Variants in ADAM9 observed in about 807,000 individuals in gnomAD.
ADAM9 encodes ADAM metallopeptidase domain 9.
ADAM9 carries 54 observed loss-of-function variants against 108.1 expected under a neutral mutation model. The observed-to-expected ratio is 0.50, with a 90% CI of 0.40 to 0.63. The LOEUF (loss-of-function observed/expected upper bound fraction) is 0.63. Ranked by LOEUF, ADAM9 falls within the 20% of genes least tolerant of loss-of-function variation. ADAM9 has a pLI of 0.00. For synonymous variants in ADAM9, 316 were observed against 336.0 expected, an observed-to-expected ratio of 0.94 and a Z score of 0.65; for missense variants, 830 against 997.7, an observed-to-expected ratio of 0.83 and a Z score of 2.26.
At chr8:39,071,541 G>C (rs567804741) in intron 15 of ADAM9, 138 bp downstream of exon 15, 1 of 723,770 alleles carries the variant, frequency 1.4e-6, no homozygotes, top group Non-Finnish European at 2.2e-6. Flanking sequence ...ATCTCGGCTC[G>C]CTGCACCCTC....
At chr8:39,011,552 A>G in intron 2 of ADAM9, 106 bp from the exon 3 acceptor site, 1 of 1,066,312 alleles carries the variant, frequency 9.4e-7, no homozygotes, top group South Asian at 1.3e-5. Context: ...GCCAATACCA[A>G]ATTATTTTAA....
At chr8:39,092,024 A>G (rs1839372187) in intron 20 of ADAM9, among the ~76,000 whole-genome samples, 1 of 152,152 alleles carries the variant, frequency 6.6e-6, no homozygotes, top group Non-Finnish European at 1.5e-5. Context: ...TAATTGTCTA[A>G]GCTGTAGGAC....
At chr8:38,998,961 G>GT (rs1835913959) in intron 1 of ADAM9, among the ~76,000 whole-genome samples, 1 of 152,166 alleles carries the variant, frequency 6.6e-6, no homozygotes, top group Admixed American at 6.5e-5. Context: ...GAGGTTTTAA[G>GT]TAGGGGTGCG....
intron 2 of ADAM9, among the ~76,000 whole-genome samples, chr8:39,010,093 G>T (rs1376830529): frequency 6.6e-6 from 1 of 151,728 alleles, no homozygotes; most frequent in Non-Finnish European, 1.5e-5. Flanking sequence ...GCATTTTTCA[G>T]TAGGATGGCC....
chr8:39,087,321 A>G (rs1357960940), intron 18 of ADAM9, among the ~76,000 whole-genome samples: 1 of 151,780 alleles, frequency 6.6e-6, no homozygotes, highest in Non-Finnish European at 1.5e-5. Context: ...TTCATATATT[A>G]TGTCTGGTTT....
At chr8:39,037,610 G>T (rs1057249200) in intron 11 of ADAM9, among the ~76,000 whole-genome samples, 23 of 151,622 alleles carry the variant, frequency 1.5e-4, no homozygotes, top group Non-Finnish European at 3.2e-4. Context: ...TAGAGACAGG[G>T]TCTCATTATG....
chr8:39,036,231 C>T (rs1466574740), intron 11 of ADAM9, among the ~76,000 whole-genome samples: 2 of 152,090 alleles, frequency 1.3e-5, no homozygotes, highest in African/African-American at 4.8e-5. Flanking sequence ...AGTTGCTCTT[C>T]CTGGGAGGTG....
chr8:39,037,131 A>G (rs1837305151), intron 11 of ADAM9, among the ~76,000 whole-genome samples: 2 of 128,056 alleles, frequency 1.6e-5, no homozygotes, highest in African/African-American at 3.0e-5. Context: ...GTCTCGGCTC[A>G]CTGCAAGCTC....
intron 12 of ADAM9, among the ~76,000 whole-genome samples, chr8:39,047,100 A>T (rs187295198): frequency 6.6e-6 from 1 of 152,240 alleles, no homozygotes; most frequent in African/African-American, 2.4e-5. Flanking sequence ...TTGAGCCTTA[A>T]TTGATTTTTG....
chr8:39,012,143 C>A (rs1293016082), intron 3 of ADAM9, among the ~76,000 whole-genome samples: 1 of 152,262 alleles, frequency 6.6e-6, no homozygotes, highest in Non-Finnish European at 1.5e-5. Context: ...AAGGCATGAC[C>A]CCCAGAGTCC....
Position 39,021,592 on chromosome 8 carries a change from C to A in ADAM9, c.673-51C>A, listed in dbSNP as rs543754673. 2.2e-5 allele frequency: 34 copies of A among 1,541,580 alleles called. 1 individual carries two copies. The highest frequency in any genetic ancestry group is 1.8e-4 in the African/African-American group (13 of 73,190). On this transcript the variant is annotated intron_variant, in intron 7 of 21. Transcript: ENST00000487273. ...AGGTACTGCACCCGGCCTTACATTT[C>A]TATTCTTAAAGTACTTTGGTGATAA... is the stretch of plus-strand genomic sequence containing the variant.
Position 39,097,766 on chromosome 8 carries a change from G to A in ADAM9, c.2299-4097G>A, listed in dbSNP as rs549971367. Reference sequence around the variant, plus strand: ...ACTGCCCAGTTTGAGTACTGCCTTTGTCACTTTATAAGCTGTGACTTTAGG... The same window carrying A: ...ACTGCCCAGTTTGAGTACTGCCTTTATCACTTTATAAGCTGTGACTTTAGG... On this transcript the variant is annotated intron_variant, in intron 20 of 21. Coordinates refer to ENST00000487273, the MANE Select transcript of ADAM9 (RefSeq NM_003816.3). 2.6e-5 allele frequency among the ~76,000 whole-genome samples: 4 copies of A among 152,290 alleles called. No individual in the cohort carries two copies. In the East Asian group the frequency reaches 5.8e-4, roughly 22 times the overall value.
At chr8:39,089,020 C>T (rs1001976056) in intron 18 of ADAM9, among the ~76,000 whole-genome samples, 1 of 152,094 alleles carries the variant, frequency 6.6e-6, no homozygotes. Context: ...GAGGCCGAGG[C>T]GGGCAGATCA....
At chr8:39,050,202 T>C (rs1837912126) in intron 12 of ADAM9, among the ~76,000 whole-genome samples, 2 of 152,232 alleles carry the variant, frequency 1.3e-5, no homozygotes, top group South Asian at 4.1e-4. Context: ...TCTCTTTGTC[T>C]TTTGATAATT....
chr8:39,100,367 C>T (rs1839651785), intron 20 of ADAM9, among the ~76,000 whole-genome samples: 1 of 151,858 alleles, frequency 6.6e-6, no homozygotes, highest in East Asian at 2.0e-4. Context: ...GTGGTGGGTG[C>T]CTGTAGTCCC....
At chr8:39,057,164 T>C (rs1463204099) in intron 14 of ADAM9, among the ~76,000 whole-genome samples, 1 of 152,038 alleles carries the variant, frequency 6.6e-6, no homozygotes, top group Non-Finnish European at 1.5e-5. Flanking sequence ...ATAGCCTAGA[T>C]GTGTAGTAGG....
intron 14 of ADAM9, among the ~76,000 whole-genome samples, chr8:39,057,640 G>T (rs1838168558): frequency 6.6e-6 from 1 of 151,992 alleles, no homozygotes. Context: ...AATTCCAAAG[G>T]CAGGAAAAAA....
rs1440207216 is a variant in ADAM9 at position 38,997,032 on chromosome 8, A to AGT, written c.-30_-29dup. 1 of 1,601,626 alleles carries AGT rather than the reference A, an allele frequency of 6.2e-7. No individual in the cohort carries two copies. Among genetic ancestry groups the AGT allele is most frequent in the Non-Finnish European group, 8.5e-7 (1 of 1,178,510 alleles). On this transcript the variant is annotated 5_prime_UTR_variant, in exon 1 of 22. It removes the in-frame stop codon of an upstream open reading frame in the 5' UTR. Coordinates refer to ENST00000487273, the MANE Select transcript of ADAM9 (RefSeq NM_003816.3). ...GAAGAGGCGGAGGTGGAGGCGACCGAGTGCTGAGAGGAACCTGCGGAATCG... is the reference window on the plus strand; with the variant it reads ...GAAGAGGCGGAGGTGGAGGCGACCGAGTGTGCTGAGAGGAACCTGCGGAATCG...
At chr8:39,039,886 A>G (rs549152547) in intron 11 of ADAM9, among the ~76,000 whole-genome samples, 1 of 152,246 alleles carries the variant, frequency 6.6e-6, no homozygotes, top group Admixed American at 6.5e-5. Flanking sequence ...CTTTGGGTGT[A>G]TACCCAAAAG....
Sources: allele counts gnomAD v4.1 joint callset (sites outside exome capture counted in the v4.1 genomes callset), GRCh38; gene constraint gnomAD v4.1.1; transcripts MANE v1.5; gene names NCBI Gene and HGNC (gene_info 2026-07-23, HGNC 2026-07-21).